Variants in OCA2 observed in about 807,000 individuals in gnomAD.
OCA2 encodes the protein P protein.
In OCA2, 77 loss-of-function variants were observed where a neutral mutation model predicts 100.2. The observed-to-expected ratio is 0.77, with a 90% CI of 0.64 to 0.93. The LOEUF (loss-of-function observed/expected upper bound fraction) is 0.93. OCA2 is among the 40% of genes least tolerant of loss of function. The pLI is 0.00. For synonymous variants in OCA2, 432 were observed against 439.2 expected (o/e 0.98, Z 0.21); for missense variants, 1,062 against 1,089.1 (o/e 0.98, Z 0.35).
chr15:28,029,294 T>C (rs2042845572), intron 3 of OCA2, among the ~76,000 whole-genome samples: 2 of 152,212 alleles, frequency 1.3e-5, no homozygotes, highest in Non-Finnish European at 2.9e-5. Flanking sequence ...AGATAACACA[T>C]GACTTTGAAA....
At chr15:27,869,823 G>A (rs2036471930) in intron 21 of OCA2, among the ~76,000 whole-genome samples, 2 of 152,240 alleles carry the variant, frequency 1.3e-5, no homozygotes, top group Non-Finnish European at 1.5e-5. Context: ...TGAGGATTGG[G>A]TAAGGGCAGC....
chr15:27,796,875 T>A (rs991595012), intron 23 of OCA2, among the ~76,000 whole-genome samples: 3 of 152,066 alleles, frequency 2.0e-5, no homozygotes, highest in Non-Finnish European at 4.4e-5. Flanking sequence ...TCCGTGTCCC[T>A]CCAATCACAA....
chr15:27,719,228 T>G, the OCA2 span, among the ~76,000 whole-genome samples: 1 of 152,162 alleles, frequency 6.6e-6, no homozygotes, highest in Non-Finnish European at 1.5e-5. Context: ...TCAGGGTTGG[T>G]TTCTCCTAGG....
chr15:27,770,511 C>T (rs552793693), intron 23 of OCA2, among the ~76,000 whole-genome samples: 4 of 122,392 alleles, frequency 3.3e-5, no homozygotes, highest in Non-Finnish European at 3.6e-5. Flanking sequence ...GGACCCTCCC[C>T]GCAGGCCGCC....
At position 28,043,110 on chromosome 15, in the gene OCA2, A is replaced by G. The variant is rs2043253723; in HGVS notation, c.228-10947T>C. 6.6e-6 allele frequency among the ~76,000 whole-genome samples: 1 copy of G among 152,236 alleles called. No homozygotes were observed. Among genetic ancestry groups the G allele is most frequent in the Non-Finnish European group, 1.5e-5 (1 of 68,044 alleles). On this transcript the variant is annotated intron_variant, in intron 2 of 23. Coordinates refer to ENST00000354638, the MANE Select transcript of OCA2 (RefSeq NM_000275.3). The surrounding 1 kb of genome is among the most constrained non-coding windows in gnomAD (Gnocchi z 4.4). Reference sequence around the variant, plus strand: ...ATAATTGGCAAAAAAGTATAATCATATGCCCCAAAGCCTGGGGAGGTATTC... The same window carrying G: ...ATAATTGGCAAAAAAGTATAATCATGTGCCCCAAAGCCTGGGGAGGTATTC...
At chr15:27,776,534 C>A (rs1566954609) in intron 23 of OCA2, 1 of 152,336 alleles carries the variant, frequency 6.6e-6, no homozygotes, top group Non-Finnish European at 1.5e-5. Flanking sequence ...CGTGATCTCC[C>A]CTCTCCTCGA....
chr15:27,902,083 A>T (rs2037960590), intron 19 of OCA2, among the ~76,000 whole-genome samples: 1 of 152,230 alleles, frequency 6.6e-6, no homozygotes, highest in Non-Finnish European at 1.5e-5. Flanking sequence ...CTCTGATGGA[A>T]ATTCCATCAT....
At chr15:27,875,670 G>A in intron 19 of OCA2, among the ~76,000 whole-genome samples, 1 of 151,916 alleles carries the variant, frequency 6.6e-6, no homozygotes, top group East Asian at 1.9e-4. Flanking sequence ...TAGATCTTTA[G>A]ATCTTTTACA....
the OCA2 span, among the ~76,000 whole-genome samples, chr15:27,742,421 T>C: frequency 0.013 from 1,901 of 152,078 alleles, 46 homozygotes; most frequent in African/African-American, 0.044. Context: ...CAACTGTGCA[T>C]AGGTCAAGGG....
intron 18 of OCA2, chr15:27,950,389 G>A (rs947583087): frequency 8.8e-6 from 3 of 339,076 alleles, no homozygotes; most frequent in South Asian, 2.3e-5. Context: ...GGCCTGAGGC[G>A]TAATTAAAAA....
chr15:27,862,266 G>A (rs112427008), intron 21 of OCA2, among the ~76,000 whole-genome samples: 6 of 150,270 alleles, frequency 4.0e-5, no homozygotes, highest in Non-Finnish European at 5.9e-5. Flanking sequence ...GACAGAAAGC[G>A]TGGTCGTCAG....
chr15:28,018,609 C>A (rs1461213874), intron 6 of OCA2, 52 bp from the exon 7 acceptor site: 3 of 1,543,634 alleles, frequency 1.9e-6, no homozygotes, highest in Non-Finnish European at 2.7e-6. Context: ...ACCCCATGTC[C>A]CCGCCGCCCG....
chr15:27,921,329 A>G (rs569262147), intron 19 of OCA2, among the ~76,000 whole-genome samples: 11 of 152,202 alleles, frequency 7.2e-5, no homozygotes, highest in African/African-American at 1.7e-4. Flanking sequence ...AAAAAAAACT[A>G]TCAGGGATTC....
intron 23 of OCA2, among the ~76,000 whole-genome samples, chr15:27,836,602 C>A (rs2035162608): frequency 6.6e-6 from 1 of 152,180 alleles, no homozygotes; most frequent in Non-Finnish European, 1.5e-5. Context: ...AGAGATTAAC[C>A]TTTGAAAAGG....
At chr15:27,741,342 C>A in the OCA2 span, among the ~76,000 whole-genome samples, 1 of 152,168 alleles carries the variant, frequency 6.6e-6, no homozygotes, top group Non-Finnish European at 1.5e-5. Flanking sequence ...ATGGGGGAGG[C>A]TTTGACCATC....
the OCA2 span, among the ~76,000 whole-genome samples, chr15:27,736,485 T>C: frequency 6.6e-6 from 1 of 152,218 alleles, no homozygotes; most frequent in African/African-American, 2.4e-5. Flanking sequence ...GCCAGGAAGC[T>C]ACATGGAGTT....
At chr15:27,765,344 G>A (rs1327810483) in intron 23 of OCA2, among the ~76,000 whole-genome samples, 2 of 152,072 alleles carry the variant, frequency 1.3e-5, no homozygotes, top group Admixed American at 1.3e-4. Flanking sequence ...GACCCGTTTA[G>A]GATTAAACAA....
chr15:27,791,512 A>G (rs542325571), intron 23 of OCA2, among the ~76,000 whole-genome samples: 18 of 152,298 alleles, frequency 1.2e-4, no homozygotes, highest in African/African-American at 4.3e-4. Flanking sequence ...AGGGTTGTCT[A>G]CAAAGGAGCA....
rs768185678 is a variant in OCA2, at chr15:27,986,613, C to T, written c.1213G>A (p.Gly405Arg). The change falls in exon 12 of 24, where the codon GGA becomes AGA. Residue 405 changes from glycine to arginine, a missense_variant. Physicochemically the swap from Gly to Arg is moderately radical, Grantham distance 125. Transcript: ENST00000354638. ...TTTACAGCACAATAATCGAAAAATCCCGTTTCTGAAAATATGGCTACTAAG... is the reference window on the plus strand; with the variant it reads ...TTTACAGCACAATAATCGAAAAATCTCGTTTCTGAAAATATGGCTACTAAG... ...MILVAIFSET[G>R]FFDYCAVKAY... 11 of 1,595,624 alleles carry T rather than the reference C, an allele frequency of 6.9e-6. No individual in the cohort carries two copies. The African/African-American group carries it at 1.3e-4, about 19-fold the overall frequency.
Sources: gnomAD v4.1 joint callset for allele counts (sites outside exome capture counted in the v4.1 genomes callset) on GRCh38, gnomAD v4.1.1 for gene constraint, Gnocchi (gnomAD v3.1) non-coding constraint, MANE v1.5 for transcripts, NCBI Gene and HGNC (gene_info 2026-07-23, HGNC 2026-07-21) for gene names.